Variants in DPP6 observed in about 807,000 individuals in gnomAD.
DPP6 encodes the protein A-type potassium channel modulatory protein DPP6.
DPP6 carries 69 observed loss-of-function variants against 122.6 expected under a neutral mutation model. The ratio of observed to expected loss-of-function variants is 0.56; its 90% CI spans 0.46 to 0.69. The LOEUF (loss-of-function observed/expected upper bound fraction) is 0.69. Among genes scored for constraint, DPP6 ranks in the 30% least tolerant of loss-of-function variants. The pLI is 0.00. For missense variants in DPP6, 928 were observed against 1,116.9 expected, an observed-to-expected ratio of 0.83 and a Z score of 2.41; for synonymous variants, 418 against 433.1, an observed-to-expected ratio of 0.97 and a Z score of 0.43.
Position 154,094,049 on chromosome 7 carries a change from A to T in DPP6, c.243+40986A>T, listed in dbSNP as rs554123860. 3.3e-5 allele frequency: 5 copies of T among 152,338 alleles called. No homozygotes were observed. The East Asian group carries it at 5.8e-4, about 18-fold the overall frequency. 9.4% of individuals were successfully genotyped at this position (152,338 alleles called of 1,614,324 possible). A position where few individuals can be genotyped will look rare whatever the true frequency, so the allele number is the denominator to read the frequency against. On this transcript the variant is annotated intron_variant, in intron 1 of 25. Transcript: ENST00000377770. ...AGGCTCTGGGGTAAAAATGTTGAAC[A>T]ATTAAAATGATTAGAAATTATCTAT...
intron 1 of DPP6, among the ~76,000 whole-genome samples, chr7:154,373,264 T>G (rs1812831026): frequency 1.3e-5 from 2 of 152,152 alleles, no homozygotes; most frequent in South Asian, 4.1e-4. Context: ...ATTAATTCAT[T>G]TTTCTGTAAG....
chr7:153,764,182 G>T, the DPP6 span, among the ~76,000 whole-genome samples: 42 of 152,236 alleles, frequency 2.8e-4, no homozygotes, highest in Middle Eastern at 0.014. Context: ...TTAGCTTCAG[G>T]ATTCATTCAG....
At chr7:153,948,983 T>G (rs1802078766) in intron 1 of DPP6, among the ~76,000 whole-genome samples, 1 of 152,076 alleles carries the variant, frequency 6.6e-6, no homozygotes, top group Admixed American at 6.6e-5. Context: ...ACAGTTAATT[T>G]TGCTGTATTT....
At chr7:154,317,515 C>T (rs10215343) in intron 1 of DPP6, among the ~76,000 whole-genome samples, 89,135 of 152,006 alleles carry the variant, frequency 0.59, 26,596 homozygotes, top group South Asian at 0.67. Context: ...AATGTGTTTG[C>T]GATGTAGATA....
At chr7:154,331,936 A>T (rs1808981554) in intron 1 of DPP6, among the ~76,000 whole-genome samples, 1 of 152,220 alleles carries the variant, frequency 6.6e-6, no homozygotes, top group Non-Finnish European at 1.5e-5. Context: ...TTTATTTGGG[A>T]AGAAGCTAAT....
At chr7:153,995,657 C>A (rs534119735) in intron 1 of DPP6, among the ~76,000 whole-genome samples, 1 of 150,068 alleles carries the variant, frequency 6.7e-6, no homozygotes, top group East Asian at 2.0e-4. Flanking sequence ...AGATGATGTG[C>A]TCGATAACAC....
upstream of DPP6, among the ~76,000 whole-genome samples, chr7:153,882,998 T>G (rs190423426): frequency 8.9e-4 from 135 of 152,272 alleles, no homozygotes; most frequent in African/African-American, 3.1e-3. Context: ...ATTCCTGTGA[T>G]CTGGGTGAAC....
intron 1 of DPP6, among the ~76,000 whole-genome samples, chr7:154,343,905 G>A (rs182867070): frequency 0.011 from 1,629 of 152,282 alleles, 14 homozygotes; most frequent in Non-Finnish European, 0.019. Context: ...TAGTAGAGAC[G>A]GGGTTTCACC....
chr7:154,384,120 A>G (rs954399195), intron 1 of DPP6, among the ~76,000 whole-genome samples: 1 of 151,866 alleles, frequency 6.6e-6, no homozygotes, highest in Non-Finnish European at 1.5e-5. Context: ...CATCATCCTC[A>G]TTTGATGGTC....
chr7:154,619,126 G>C (rs1420740825), intron 5 of DPP6, among the ~76,000 whole-genome samples: 1 of 152,138 alleles, frequency 6.6e-6, no homozygotes, highest in Non-Finnish European at 1.5e-5. Context: ...CCAGCCATGT[G>C]GAACTGTGAC....
chr7:154,753,584 G>A (rs10267091), intron 8 of DPP6, among the ~76,000 whole-genome samples: 63,564 of 152,070 alleles, frequency 0.42, 14,961 homozygotes, highest in African/African-American at 0.63. Context: ...CTGGGTGTGG[G>A]GCAGGATGAA....
At chr7:154,412,502 T>C (rs1816690047) in intron 1 of DPP6, among the ~76,000 whole-genome samples, 1 of 152,148 alleles carries the variant, frequency 6.6e-6, no homozygotes, top group Non-Finnish European at 1.5e-5. Flanking sequence ...TTAACCTTAA[T>C]TGCCTTCTTA....
chr7:153,861,339 T>C, the DPP6 span, among the ~76,000 whole-genome samples: 1 of 152,184 alleles, frequency 6.6e-6, no homozygotes, highest in Non-Finnish European at 1.5e-5. Flanking sequence ...ATAGCTACAC[T>C]CTCTAAGTAA....
chr7:154,081,263 G>A (rs562400927), intron 1 of DPP6, among the ~76,000 whole-genome samples: 80 of 150,320 alleles, frequency 5.3e-4, no homozygotes, highest in African/African-American at 1.9e-3. Context: ...GCAGTTTGAA[G>A]CATTGTGCCT....
At chr7:154,097,272 G>T (rs1431837816) in intron 1 of DPP6, among the ~76,000 whole-genome samples, 1 of 152,236 alleles carries the variant, frequency 6.6e-6, no homozygotes, top group East Asian at 1.9e-4. Context: ...TCATAAGTGG[G>T]CTTATTTTGG....
At chr7:153,778,285 T>C in the DPP6 span, among the ~76,000 whole-genome samples, 4 of 151,806 alleles carry the variant, frequency 2.6e-5, no homozygotes, top group Admixed American at 2.6e-4. Flanking sequence ...CTTGGTGGTA[T>C]CCGTGTGAAC....
chr7:154,230,095 G>A (rs1306053988), intron 1 of DPP6, among the ~76,000 whole-genome samples: 2 of 152,082 alleles, frequency 1.3e-5, no homozygotes, highest in Non-Finnish European at 2.9e-5. Context: ...CTGAGAAGCA[G>A]CTACATTATC....
At chr7:154,669,273 G>T in intron 6 of DPP6, 87 bp from the exon 7 acceptor site, 1 of 1,546,792 alleles carries the variant, frequency 6.5e-7, no homozygotes, top group South Asian at 1.2e-5. Flanking sequence ...AAGGAGTTAA[G>T]TTATAGGTAG....
At chr7:153,988,312 G>T (rs1467050454) in intron 1 of DPP6, among the ~76,000 whole-genome samples, 1 of 152,122 alleles carries the variant, frequency 6.6e-6, no homozygotes. Flanking sequence ...TGCTCCAGGG[G>T]TGTGTGGATG....
Sources: allele counts gnomAD v4.1 joint callset (sites outside exome capture counted in the v4.1 genomes callset), GRCh38; gene constraint gnomAD v4.1.1; transcripts MANE v1.5; gene names NCBI Gene and HGNC (gene_info 2026-07-23, HGNC 2026-07-21).